The following FAAH2 variants were observed in gnomAD, a reference collection of about 807,000 sequenced individuals.
FAAH2 encodes fatty-acid amide hydrolase 2.
In FAAH2, 60 loss-of-function variants were observed where a neutral mutation model predicts 36.9. The ratio of observed to expected loss-of-function variants is 1.63; its 90% confidence interval spans 1.32 to 2.02. The LOEUF (loss-of-function observed/expected upper bound fraction) is 2.02, where lower values mean the gene tolerates loss of function less well. Ranked by LOEUF, FAAH2 falls within the 30% of genes most tolerant of loss-of-function variation. The pLI is 0.00. For missense variants in FAAH2, 689 were observed against 397.5 expected (o/e 1.73, Z -6.23); for synonymous variants, 214 against 143.8 (o/e 1.49, Z -3.49).
chrX:57,352,048 GTGT>G (rs2054018615), intron 5 of FAAH2, among the ~76,000 whole-genome samples: 1 of 4,139 alleles, frequency 2.4e-4, no homozygotes, highest in African/African-American at 3.1e-4. Context: ...ATATATATAT[GTGT>G]ATATATATAT....
chrX:57,443,507 G>T (rs781492234), intron 8 of FAAH2, among the ~76,000 whole-genome samples: 9 of 111,720 alleles, frequency 8.1e-5, no homozygotes, highest in African/African-American at 2.6e-4. Flanking sequence ...TTTACCATTC[G>T]TCTGATCTTT....
chrX:57,235,072 G>A, the FAAH2 span, among the ~76,000 whole-genome samples: 1 of 110,881 alleles, frequency 9.0e-6, no homozygotes. Context: ...TGCTGTATAG[G>A]ATGTGTGAAA....
At chrX:57,453,960 G>A (rs1037376126) in intron 10 of FAAH2, among the ~76,000 whole-genome samples, 5 of 111,596 alleles carry the variant, frequency 4.5e-5, no homozygotes, top group Admixed American at 3.8e-4. Flanking sequence ...CTGCCTGAGG[G>A]AGCCCATGGA....
intron 4 of FAAH2, among the ~76,000 whole-genome samples, chrX:57,335,205 G>A (rs972713689): frequency 2.7e-5 from 3 of 111,860 alleles, no homozygotes; most frequent in Admixed American, 9.5e-5. Context: ...GGCGTTTCTC[G>A]TTAGGTGGAA....
At position 57,306,862 on chromosome X, in the gene FAAH2, TAC is replaced by T. The variant is rs1171127055; in HGVS notation, c.276-3726_276-3725del. Among the ~76,000 whole-genome samples, 384 of 92,699 alleles carry T rather than the reference TAC, an allele frequency of 4.1e-3. 3 individuals carry two copies. The highest frequency in any genetic ancestry group is 0.014 in the African/African-American group (367 of 26,885). 80.5% of individuals were successfully genotyped at this position (92,699 alleles called of 115,157 possible). A position where few individuals can be genotyped will look rare whatever the true frequency, so the allele number is the denominator to read the frequency against. ...TATGTACTATATATGTGTATATATA[TAC>T]ACACTATATATACACTATATATACA... On this transcript the variant is annotated intron_variant, in intron 2 of 10. Coordinates refer to ENST00000374900, the MANE Select transcript of FAAH2 (RefSeq NM_174912.4).
At chrX:57,431,771 G>GTTTTTTTTTTTTTTTTTTTTTTTTTTT (rs1218617071) in intron 7 of FAAH2, 147 bp from the exon 8 acceptor site, 3 of 202,008 alleles carry the variant, frequency 1.5e-5, no homozygotes, top group Admixed American at 2.4e-4. Flanking sequence ...TTGTTTTTTT[G>GTTTTTTTTTTTTTTTTTTTTTTTTTTT]TTTTTTTGTT....
At chrX:57,180,047 A>G in the FAAH2 span, among the ~76,000 whole-genome samples, 2 of 112,282 alleles carry the variant, frequency 1.8e-5, no homozygotes, top group African/African-American at 6.5e-5. Flanking sequence ...GGCAGGTCGC[A>G]AGAAGTTCTT....
chrX:57,274,722 C>T, the FAAH2 span, among the ~76,000 whole-genome samples: 4 of 111,666 alleles, frequency 3.6e-5, no homozygotes, highest in African/African-American at 1.3e-4. Context: ...ATGCTAAAAG[C>T]TCTCAATAAA....
chrX:57,201,889 TA>T, the FAAH2 span, among the ~76,000 whole-genome samples: 13 of 111,911 alleles, frequency 1.2e-4, no homozygotes, highest in African/African-American at 3.6e-4. Context: ...AGCTTAGTAA[TA>T]TTTTTTTTCT....
At chrX:57,337,727 A>G (rs977010447) in intron 4 of FAAH2, among the ~76,000 whole-genome samples, 5 of 112,221 alleles carry the variant, frequency 4.5e-5, no homozygotes, top group Admixed American at 1.9e-4. Flanking sequence ...AAAACTTTTA[A>G]TAAACTAGGT....
chrX:57,438,325 AC>A (rs1405415569), intron 8 of FAAH2, among the ~76,000 whole-genome samples: 4 of 107,401 alleles, frequency 3.7e-5, no homozygotes, highest in African/African-American at 1.3e-4. Context: ...AGTAGATGAC[AC>A]AAATAAATGG....
At chrX:57,480,139 G>T (rs1296079079) in intron 10 of FAAH2, among the ~76,000 whole-genome samples, 1 of 111,037 alleles carries the variant, frequency 9.0e-6, no homozygotes, top group Non-Finnish European at 1.9e-5. Flanking sequence ...CAACCAAAAA[G>T]AGTCCTGGAC....
At chrX:57,416,610 G>C (rs2055850605) in intron 7 of FAAH2, among the ~76,000 whole-genome samples, 1 of 111,927 alleles carries the variant, frequency 8.9e-6, no homozygotes, top group Non-Finnish European at 1.9e-5. Context: ...TTTGTGTGAT[G>C]GGCTTCTTTT....
At chrX:57,213,364 C>T in the FAAH2 span, among the ~76,000 whole-genome samples, 19 of 110,663 alleles carry the variant, frequency 1.7e-4, 1 homozygote, top group Non-Finnish European at 2.8e-4. Context: ...TCTTTTCTTC[C>T]GGCAGCCATA....
chrX:57,349,085 T>C (rs865848008), intron 5 of FAAH2, among the ~76,000 whole-genome samples: 2 of 95,560 alleles, frequency 2.1e-5, no homozygotes, highest in African/African-American at 3.8e-5. Flanking sequence ...TATATACACA[T>C]ATATATATTA....
chrX:57,485,160 C>T (rs2057450829), intron 10 of FAAH2, among the ~76,000 whole-genome samples: 1 of 112,101 alleles, frequency 8.9e-6, no homozygotes, highest in South Asian at 3.7e-4. Context: ...GCACGTGTTA[C>T]ACCCACACTT....
chrX:57,241,118 C>T, the FAAH2 span, among the ~76,000 whole-genome samples: 25 of 112,205 alleles, frequency 2.2e-4, no homozygotes, highest in Admixed American at 2.4e-3. Context: ...AGCTCAAATG[C>T]CTGTTAGGGA....
the FAAH2 span, among the ~76,000 whole-genome samples, chrX:57,221,999 T>C: frequency 9.0e-6 from 1 of 110,755 alleles, no homozygotes; most frequent in South Asian, 3.9e-4. Flanking sequence ...TATCTCTCTT[T>C]TAAACTTCTT....
intron 8 of FAAH2, among the ~76,000 whole-genome samples, chrX:57,442,125 C>G: frequency 9.0e-6 from 1 of 111,011 alleles, no homozygotes; most frequent in Non-Finnish European, 1.9e-5. Flanking sequence ...TCTATTAGGT[C>G]CGCTTGGTGC....
Sources: gnomAD v4.1 joint callset for allele counts (sites outside exome capture counted in the v4.1 genomes callset) on GRCh38, gnomAD v4.1.1 for gene constraint, MANE v1.5 for transcripts, NCBI Gene and HGNC (gene_info 2026-07-23, HGNC 2026-07-21) for gene names.